The following RBFOX2 variants were observed in gnomAD, a reference collection of about 807,000 sequenced individuals.
RBFOX2 encodes RNA binding fox-1 homolog 2.
Under a neutral mutation model 49.1 loss-of-function variants are expected in RBFOX2, and 10 were observed. The observed-to-expected ratio is 0.20, with a 90% CI of 0.13 to 0.35. The LOEUF (loss-of-function observed/expected upper bound fraction) is 0.35, where lower values mean the gene tolerates loss of function less well. Among genes scored for constraint, RBFOX2 ranks in the 10% least tolerant of loss-of-function variants. The pLI is 1.00. For missense variants in RBFOX2, 323 were observed against 486.9 expected (o/e 0.66, Z 3.17); for synonymous variants, 183 against 187.4 (o/e 0.98, Z 0.19).
chr22:35,759,881 C>T lies in RBFOX2; in HGVS notation c.887+7G>A, dbSNP rs199716297. ...GAAACATACTGATTTTGGAATCTAACGCTTACCCTGGATAGGCGGGGATGG... is the reference window on the plus strand; with the variant it reads ...GAAACATACTGATTTTGGAATCTAATGCTTACCCTGGATAGGCGGGGATGG... On this transcript the variant is annotated splice_region_variant and intron_variant, in intron 9 of 11. Coordinates refer to ENST00000405409, the Ensembl canonical transcript of RBFOX2. The surrounding 1 kb of genome is among the most constrained non-coding windows in gnomAD (Gnocchi z 4.6). 33 of 1,613,532 alleles carry T rather than the reference C, an allele frequency of 2.0e-5. No individual in the cohort carries two copies. Among genetic ancestry groups the T allele is most frequent in the African/African-American group, 1.1e-4 (8 of 75,012 alleles).
At chr22:36,013,481 G>A (rs1341744390) in intron 1 of RBFOX2, among the ~76,000 whole-genome samples, 1 of 152,086 alleles carries the variant, frequency 6.6e-6, no homozygotes. Context: ...AGAAAGCTGA[G>A]GCTTAGATAA....
At chr22:35,745,232 G>A (rs1932095265) in intron 11 of RBFOX2, among the ~76,000 whole-genome samples, 1 of 152,186 alleles carries the variant, frequency 6.6e-6, no homozygotes, top group Non-Finnish European at 1.5e-5. Flanking sequence ...CCCTGGCAGA[G>A]GTGTCACTGT....
intron 1 of RBFOX2, among the ~76,000 whole-genome samples, chr22:35,850,333 C>T (rs1029318947): frequency 2.0e-5 from 3 of 152,032 alleles, no homozygotes; most frequent in South Asian, 2.1e-4. Flanking sequence ...CACTGATACA[C>T]GCAGTAAGGG....
In RBFOX2 at chr22:35,899,974, T is replaced by C. The variant is rs371183882; in HGVS notation, c.-34+38873A>G. ...ATAATCTGGGACAGCAATATGGGTA[T>C]TGCCAATAATTCTAACCTTGCTTCC... On this transcript the variant is annotated intron_variant, in intron 1 of 13. Coordinates refer to the RBFOX2 transcript ENST00000359369. Among the ~76,000 whole-genome samples the C allele has an allele frequency of 7.2e-5, 11 of 152,316 alleles. No homozygotes were observed. The East Asian group carries it at 1.5e-3, about 21-fold the overall frequency.
intron 2 of RBFOX2, among the ~76,000 whole-genome samples, chr22:35,806,378 G>A (rs1023453598): frequency 1.3e-5 from 2 of 151,990 alleles, no homozygotes; most frequent in Non-Finnish European, 2.9e-5. Context: ...AAATATACAG[G>A]TATAATATGT....
chr22:35,895,857 T>C (rs963135589), intron 1 of RBFOX2, among the ~76,000 whole-genome samples: 6 of 152,234 alleles, frequency 3.9e-5, no homozygotes, highest in African/African-American at 7.2e-5. Flanking sequence ...CTGTCTGCCA[T>C]GTTCCTGGTG....
At chr22:35,754,023 T>C (rs1000083273) in intron 9 of RBFOX2, among the ~76,000 whole-genome samples, 12 of 151,266 alleles carry the variant, frequency 7.9e-5, no homozygotes, top group African/African-American at 2.9e-4. Flanking sequence ...CTTCAAGTGA[T>C]CCCCCTGCCT....
intron 1 of RBFOX2, among the ~76,000 whole-genome samples, chr22:35,919,712 T>C (rs1285644880): frequency 6.6e-6 from 1 of 152,180 alleles, no homozygotes; most frequent in Non-Finnish European, 1.5e-5. Flanking sequence ...AATAAAGCTG[T>C]TTTAAAGTGC....
chr22:35,998,773 C>A (rs566756624), intron 1 of RBFOX2: 1 of 152,520 alleles, frequency 6.6e-6, no homozygotes, highest in South Asian at 2.1e-4. Context: ...GTGAGCCACC[C>A]TCCAGAAGAC....
At chr22:35,839,005 G>A (rs575129822) in intron 1 of RBFOX2, among the ~76,000 whole-genome samples, 9 of 152,220 alleles carry the variant, frequency 5.9e-5, no homozygotes, top group South Asian at 2.1e-4. Context: ...TGGCTCTCTC[G>A]CCCTCCGGTG....
intron 1 of RBFOX2, among the ~76,000 whole-genome samples, chr22:35,937,062 G>A (rs1037093438): frequency 6.6e-6 from 1 of 152,162 alleles, no homozygotes; most frequent in Non-Finnish European, 1.5e-5. Context: ...AACTGTCACT[G>A]CTTTTAAAGC....
At position 35,812,090 on chromosome 22, in the gene RBFOX2, A is replaced by G. The variant is rs920091329; in HGVS notation, c.28-2086T>C. On this transcript the variant is annotated intron_variant, in intron 1 of 11. Transcript: ENST00000405409. ...AGCCTGGCCAACATGGTGAAACTCCATCCCTATTAAAAATACAAAAATTAG... is the reference window on the plus strand; with the variant it reads ...AGCCTGGCCAACATGGTGAAACTCCGTCCCTATTAAAAATACAAAAATTAG... 1.1e-4 allele frequency among the ~76,000 whole-genome samples: 16 copies of G among 152,094 alleles called. No homozygotes were observed. The East Asian group carries it at 2.9e-3, about 28-fold the overall frequency.
chr22:35,928,278 T>C (rs1173579950), intron 1 of RBFOX2, among the ~76,000 whole-genome samples: 1 of 152,148 alleles, frequency 6.6e-6, no homozygotes, highest in East Asian at 1.9e-4. Flanking sequence ...TGTCTGTCTG[T>C]CTGCAGAGAA....
At chr22:35,939,336 C>CAAGT (rs1210508154), upstream of RBFOX2, 1 of 430,710 alleles carries the variant, frequency 2.3e-6, no homozygotes, top group East Asian at 7.1e-5. Context: ...GGAAAGGGGA[C>CAAGT]AAGTACCAAC....
At position 35,901,599 on chromosome 22, in the gene RBFOX2, T is replaced by C. The variant is rs142571972; in HGVS notation, c.-34+37248A>G. On this transcript the variant is annotated intron_variant, in intron 1 of 13. Coordinates refer to the RBFOX2 transcript ENST00000359369. Reference sequence around the variant, plus strand: ...GCTACTACTGATGTCATTCAGAGAATAGACCCAGAAACTTCTGTGAATGGT... The same window carrying C: ...GCTACTACTGATGTCATTCAGAGAACAGACCCAGAAACTTCTGTGAATGGT... 1.3e-3 allele frequency among the ~76,000 whole-genome samples: 203 copies of C among 152,322 alleles called. 1 individual carries two copies. Among genetic ancestry groups the C allele is most frequent in the African/African-American group, 4.7e-3 (197 of 41,564 alleles).
chr22:35,750,481 A>C, intron 9 of RBFOX2: 1 of 1,589,788 alleles, frequency 6.3e-7, no homozygotes, highest in Non-Finnish European at 8.6e-7. Context: ...GAAATAAAAC[A>C]AAAAATGGGG....
chr22:35,857,287 C>T (rs897671378), intron 1 of RBFOX2, among the ~76,000 whole-genome samples: 2 of 152,106 alleles, frequency 1.3e-5, no homozygotes, highest in African/African-American at 2.4e-5. Flanking sequence ...AGGGAACAAC[C>T]TAAAGGTGGG....
intron 1 of RBFOX2, among the ~76,000 whole-genome samples, chr22:35,971,223 T>C (rs771194413): frequency 6.6e-6 from 1 of 152,148 alleles, no homozygotes; most frequent in Admixed American, 6.6e-5. Context: ...ACCTTCCTAC[T>C]TCCTTTAAGT....
At chr22:35,852,029 A>G (rs972717551) in intron 1 of RBFOX2, among the ~76,000 whole-genome samples, 13 of 151,464 alleles carry the variant, frequency 8.6e-5, no homozygotes, top group African/African-American at 3.2e-4. Flanking sequence ...TGTGAATTCA[A>G]CCAACTGCAA....
Sources: gnomAD v4.1 joint callset for allele counts (sites outside exome capture counted in the v4.1 genomes callset) on GRCh38, gnomAD v4.1.1 for gene constraint, Gnocchi (gnomAD v3.1) non-coding constraint, MANE v1.5 for transcripts, NCBI Gene and HGNC (gene_info 2026-07-23, HGNC 2026-07-21) for gene names.